GSG1L: variants seen among roughly 807,000 people sequenced by gnomAD.
The protein encoded by GSG1L is GSG1 like, also known as germ cell-specific gene 1-like protein.
A neutral mutation model predicts 42.1 loss-of-function variants in GSG1L; 24 were observed. The ratio of observed to expected loss-of-function variants is 0.57; its 90% CI spans 0.41 to 0.80. The LOEUF is 0.80. Ranked by LOEUF, GSG1L falls within the 30% of genes least tolerant of loss-of-function variation. The pLI is 0.00. For missense variants in GSG1L, 445 were observed against 472.2 expected, an observed-to-expected ratio of 0.94 and a Z score of 0.53; for synonymous variants, 215 against 203.5, an observed-to-expected ratio of 1.06 and a Z score of -0.48.
chr16:27,850,486 G>C (rs1199670930), intron 3 of GSG1L: 2 of 455,414 alleles, frequency 4.4e-6, no homozygotes, highest in African/African-American at 4.0e-5. Context: ...CACCTGGAGA[G>C]AGACTGTAGG....
chr16:27,957,750 AAAG>A (rs1228591954), intron 2 of GSG1L, among the ~76,000 whole-genome samples: 1 of 152,230 alleles, frequency 6.6e-6, no homozygotes, highest in Non-Finnish European at 1.5e-5. Context: ...CGTAATTTAC[AAAG>A]AAGAGGTTTA....
At chr16:27,845,149 C>T (rs901116473) in intron 3 of GSG1L, 88 bp from the exon 4 acceptor site, 4 of 835,404 alleles carry the variant, frequency 4.8e-6, no homozygotes, top group Admixed American at 4.2e-5. Context: ...GCCTGCCTGC[C>T]TGTCTGCCTG....
chr16:27,917,247 T>C (rs1037724833), intron 2 of GSG1L, among the ~76,000 whole-genome samples: 6 of 152,070 alleles, frequency 3.9e-5, no homozygotes. Context: ...ATGTAACAGG[T>C]ATTCGGGAGG....
At chr16:27,872,933 T>C (rs967127741) in intron 3 of GSG1L, among the ~76,000 whole-genome samples, 10 of 152,226 alleles carry the variant, frequency 6.6e-5, no homozygotes, top group Non-Finnish European at 1.0e-4. Context: ...GTATCCTTAA[T>C]TGAGCAGCCC....
At chr16:27,902,807 G>T (rs1453750648) in intron 2 of GSG1L, among the ~76,000 whole-genome samples, 2 of 152,210 alleles carry the variant, frequency 1.3e-5, no homozygotes, top group Non-Finnish European at 2.9e-5. Flanking sequence ...CTTAAGGGCT[G>T]CAGTGAGGCT....
chr16:27,798,568 G>T (rs892097615), intron 6 of GSG1L, among the ~76,000 whole-genome samples: 2 of 152,264 alleles, frequency 1.3e-5, no homozygotes, highest in Non-Finnish European at 2.9e-5. Flanking sequence ...AAGGGGTAAG[G>T]CATGGAGCAT....
intron 1 of GSG1L, among the ~76,000 whole-genome samples, chr16:28,058,635 AACAAAC>A (rs1004734906): frequency 4.4e-5 from 4 of 90,916 alleles, no homozygotes; most frequent in Admixed American, 2.0e-4. Flanking sequence ...AAAAAAAAAA[AACAAAC>A]AAACCATGTC....
intron 1 of GSG1L, among the ~76,000 whole-genome samples, chr16:28,022,326 CAT>C (rs1485420181): frequency 6.6e-6 from 1 of 152,024 alleles, no homozygotes; most frequent in Non-Finnish European, 1.5e-5. Context: ...TTTCTGCATA[CAT>C]GTTTTTGTTT....
At chr16:27,851,706 T>C (rs976118090) in intron 3 of GSG1L, among the ~76,000 whole-genome samples, 19 of 152,310 alleles carry the variant, frequency 1.2e-4, no homozygotes, top group African/African-American at 3.8e-4. Context: ...TGCTCATGAA[T>C]TTAAAGTGAG....
intron 5 of GSG1L, among the ~76,000 whole-genome samples, chr16:27,812,420 A>G (rs1357485721): frequency 6.6e-6 from 1 of 152,250 alleles, no homozygotes; most frequent in Non-Finnish European, 1.5e-5. Flanking sequence ...TTTGCAAGCC[A>G]TATGTTCTCT....
At chr16:27,979,384 A>G (rs1328593381) in intron 1 of GSG1L, among the ~76,000 whole-genome samples, 3 of 151,396 alleles carry the variant, frequency 2.0e-5, no homozygotes, top group Non-Finnish European at 2.9e-5. Flanking sequence ...TGGCCAACAT[A>G]ATGAAACCCC....
At chr16:28,051,435 C>T (rs900376691) in intron 1 of GSG1L, among the ~76,000 whole-genome samples, 25 of 150,106 alleles carry the variant, frequency 1.7e-4, no homozygotes, top group Non-Finnish European at 3.1e-4. Flanking sequence ...TTTGCAAAAG[C>T]GTGGGTTGCA....
chr16:27,816,901 G>A (rs2083100220), intron 5 of GSG1L, among the ~76,000 whole-genome samples: 1 of 152,230 alleles, frequency 6.6e-6, no homozygotes, highest in Non-Finnish European at 1.5e-5. Context: ...CTCATGGAAA[G>A]TGGGGCTGGG....
intron 2 of GSG1L, among the ~76,000 whole-genome samples, chr16:27,926,112 T>C (rs1299464681): frequency 6.6e-6 from 1 of 151,656 alleles, no homozygotes; most frequent in East Asian, 1.9e-4. Context: ...GAAAAAGGAG[T>C]GACAAAGCCT....
intron 2 of GSG1L, among the ~76,000 whole-genome samples, chr16:27,959,738 C>T (rs1412849018): frequency 6.6e-6 from 1 of 152,024 alleles, no homozygotes; most frequent in South Asian, 2.1e-4. Flanking sequence ...GCTACGATCG[C>T]ACCACTGCAC....
intron 2 of GSG1L, among the ~76,000 whole-genome samples, chr16:27,908,098 T>C (rs1404667968): frequency 1.3e-5 from 2 of 152,248 alleles, no homozygotes; most frequent in Non-Finnish European, 2.9e-5. Flanking sequence ...CTTTGGCCAA[T>C]GGGATGTTAG....
chr16:27,953,000 G>A (rs937880635), intron 2 of GSG1L, among the ~76,000 whole-genome samples: 1 of 152,240 alleles, frequency 6.6e-6, no homozygotes, highest in African/African-American at 2.4e-5. Context: ...GCATTTTCCG[G>A]TTTTGCAGGA....
At position 27,791,310 on chromosome 16, in the gene GSG1L, T is replaced by C; in HGVS notation, c.*60A>G. 1 of 1,143,950 alleles carries C rather than the reference T, an allele frequency of 8.7e-7. No homozygotes were observed. Among genetic ancestry groups the C allele is most frequent in the Non-Finnish European group, 1.2e-6 (1 of 851,368 alleles). 70.9% of individuals were successfully genotyped at this position (1,143,950 alleles called of 1,614,324 possible). On this transcript the variant is annotated 3_prime_UTR_variant, in exon 7 of 7. Coordinates refer to ENST00000447459, the MANE Select transcript of GSG1L (RefSeq NM_001109763.2). ...TTCTGGGGGCACCACTCTGGTGGTC[T>C]TGCAGCAGGGGCTGGTGCCAGCGAT...
At chr16:27,970,975 T>C (rs2085187427) in intron 1 of GSG1L, among the ~76,000 whole-genome samples, 2 of 152,216 alleles carry the variant, frequency 1.3e-5, no homozygotes, top group African/African-American at 2.4e-5. Flanking sequence ...AGTAAAAGCG[T>C]TTATTTTATA....
Sources: allele counts gnomAD v4.1 joint callset (sites outside exome capture counted in the v4.1 genomes callset), GRCh38; gene constraint gnomAD v4.1.1; transcripts MANE v1.5; gene names NCBI Gene and HGNC (gene_info 2026-07-23, HGNC 2026-07-21).